Variants in GSK3B observed in about 807,000 individuals in gnomAD.
The protein encoded by GSK3B is glycogen synthase kinase 3 beta, also known as glycogen synthase kinase-3 beta.
In GSK3B, 15 loss-of-function variants were observed where a neutral mutation model predicts 56.4. That is an observed-to-expected ratio of 0.27 (90% CI 0.18 to 0.41). The LOEUF is 0.41. Among genes scored for constraint, GSK3B ranks in the 10% least tolerant of loss-of-function variants. GSK3B has a pLI of 1.00. For synonymous variants in GSK3B, 181 were observed against 188.9 expected (o/e 0.96, Z 0.34); for missense variants, 300 against 513.4 (o/e 0.58, Z 4.02).
intron 1 of GSK3B, among the ~76,000 whole-genome samples, chr3:120,071,791 C>T (rs919105930): frequency 1.3e-5 from 2 of 152,182 alleles, no homozygotes; most frequent in African/African-American, 2.4e-5. Context: ...CATCCACGCT[C>T]GTCCATGGAA....
At chr3:119,828,931 T>C (rs946407458) in intron 10 of GSK3B, among the ~76,000 whole-genome samples, 3 of 152,200 alleles carry the variant, frequency 2.0e-5, no homozygotes, top group Non-Finnish European at 2.9e-5. Flanking sequence ...ATCCACACAT[T>C]AGGTTCATAT....
At chr3:120,077,019 G>A (rs2058372811) in intron 1 of GSK3B, among the ~76,000 whole-genome samples, 1 of 152,076 alleles carries the variant, frequency 6.6e-6, no homozygotes, top group Admixed American at 6.6e-5. Flanking sequence ...AAAAATAAGA[G>A]ATTAAGTGTT....
At chr3:120,075,686 G>C (rs1176625467) in intron 1 of GSK3B, among the ~76,000 whole-genome samples, 3 of 152,008 alleles carry the variant, frequency 2.0e-5, no homozygotes, top group Non-Finnish European at 2.9e-5. Context: ...AAAGTTGAAA[G>C]ACCTGTACAC....
chr3:120,000,918 C>CTTTTTTTTTTTTTTTTTT (rs71156781), intron 2 of GSK3B, among the ~76,000 whole-genome samples: 5 of 91,050 alleles, frequency 5.5e-5, no homozygotes, highest in African/African-American at 2.1e-4. Context: ...ATGTAATCTC[C>CTTTTTTTTTTTTTTTTTT]TTTTTTTTTT....
chr3:119,925,833 C>T (rs887279408), intron 3 of GSK3B, among the ~76,000 whole-genome samples: 23 of 152,282 alleles, frequency 1.5e-4, no homozygotes, highest in African/African-American at 5.1e-4. Flanking sequence ...TTCACTACCA[C>T]TATGCCAAAA....
intron 2 of GSK3B, among the ~76,000 whole-genome samples, chr3:119,998,414 A>G (rs1048460976): frequency 2.0e-5 from 3 of 152,210 alleles, no homozygotes; most frequent in Admixed American, 1.3e-4. Context: ...CCTCCTTCAG[A>G]CAAACCTTCA....
chr3:119,861,037 C>T (rs1040237221), intron 9 of GSK3B, among the ~76,000 whole-genome samples: 1 of 152,194 alleles, frequency 6.6e-6, no homozygotes, highest in Non-Finnish European at 1.5e-5. Context: ...TCTCCTTCTT[C>T]AACCCCTTGG....
At chr3:119,942,825 G>A (rs1436290069) in intron 3 of GSK3B, among the ~76,000 whole-genome samples, 2 of 152,064 alleles carry the variant, frequency 1.3e-5, no homozygotes, top group African/African-American at 4.8e-5. Context: ...AAAACTATAA[G>A]CCCAGGGTTT....
At chr3:120,008,082 C>T (rs931095153) in intron 1 of GSK3B, among the ~76,000 whole-genome samples, 3 of 152,162 alleles carry the variant, frequency 2.0e-5, no homozygotes, top group African/African-American at 4.8e-5. Context: ...CATTCTTATA[C>T]ACCAATAACA....
chr3:120,029,065 T>A (rs2057953891), intron 1 of GSK3B: 1 of 746,090 alleles, frequency 1.3e-6, no homozygotes, highest in Non-Finnish European at 2.3e-6. Context: ...GTTTACAGGC[T>A]GTGCATTTGG....
chr3:119,882,195 G>A (rs989942474), intron 7 of GSK3B, among the ~76,000 whole-genome samples: 4 of 151,204 alleles, frequency 2.6e-5, no homozygotes, highest in Non-Finnish European at 4.4e-5. Context: ...ATTCCTAATA[G>A]AAGCAAATCT....
chr3:119,852,643 C>T (rs1349898019), intron 9 of GSK3B, among the ~76,000 whole-genome samples: 1 of 152,128 alleles, frequency 6.6e-6, no homozygotes, highest in Non-Finnish European at 1.5e-5. Context: ...CCACTGCACC[C>T]AGCCCAGAAC....
intron 7 of GSK3B, among the ~76,000 whole-genome samples, chr3:119,900,976 T>C (rs1232307513): frequency 6.6e-6 from 1 of 152,116 alleles, no homozygotes. Context: ...TCTAAGACTA[T>C]GTAGTTATAA....
At chr3:120,000,110 AAAG>A (rs2057661687) in intron 2 of GSK3B, among the ~76,000 whole-genome samples, 1 of 152,230 alleles carries the variant, frequency 6.6e-6, no homozygotes, top group South Asian at 2.1e-4. Context: ...AGAGAAAGAA[AAAG>A]AAGAGACACA....
chr3:120,009,475 C>T (rs987970704), intron 1 of GSK3B, among the ~76,000 whole-genome samples: 9 of 152,112 alleles, frequency 5.9e-5, no homozygotes, highest in African/African-American at 2.2e-4. Context: ...AAATTTGGCA[C>T]ATATACATCA....
intron 8 of GSK3B, among the ~76,000 whole-genome samples, chr3:119,874,449 A>G (rs1020214242): frequency 1.3e-5 from 2 of 152,050 alleles, no homozygotes; most frequent in Admixed American, 1.3e-4. Context: ...AAAATATCTT[A>G]TTGTACTACA....
chr3:119,909,872 C>G (rs924165808), intron 6 of GSK3B, among the ~76,000 whole-genome samples: 4 of 151,814 alleles, frequency 2.6e-5, no homozygotes, highest in African/African-American at 9.7e-5. Context: ...TTGAGAAGGT[C>G]AATGATGATT....
At chr3:119,930,032 T>A (rs897095449) in intron 3 of GSK3B, among the ~76,000 whole-genome samples, 1 of 150,034 alleles carries the variant, frequency 6.7e-6, no homozygotes, top group East Asian at 2.0e-4. Context: ...TGAGCCGTGA[T>A]GGCACCACTG....
intron 1 of GSK3B, among the ~76,000 whole-genome samples, chr3:120,050,403 C>T (rs2058139171): frequency 6.6e-6 from 1 of 152,188 alleles, no homozygotes. Flanking sequence ...GACGGCTAGC[C>T]GTATTTGGCT....
Sources: gnomAD v4.1 joint callset for allele counts (sites outside exome capture counted in the v4.1 genomes callset) on GRCh38, gnomAD v4.1.1 for gene constraint, MANE v1.5 for transcripts, NCBI Gene and HGNC (gene_info 2026-07-23, HGNC 2026-07-21) for gene names.